ALMS1: variants seen among roughly 807,000 people sequenced by gnomAD.
ALMS1 encodes the protein centrosome-associated protein ALMS1.
Under a neutral mutation model 352.2 loss-of-function variants are expected in ALMS1, and 271 were observed. The ratio of observed to expected loss-of-function variants is 0.77; its 90% confidence interval spans 0.70 to 0.85. ALMS1 has a LOEUF of 0.85. Ranked by LOEUF, ALMS1 falls within the 40% of genes least tolerant of loss-of-function variation. The pLI is 0.00. For synonymous variants in ALMS1, 1,865 were observed against 1,761.2 expected, an observed-to-expected ratio of 1.06 and a Z score of -1.48; for missense variants, 5,445 against 4,870.7, an observed-to-expected ratio of 1.12 and a Z score of -3.51.
chr2:73,588,326 T>C (rs913748959), intron 16 of ALMS1, among the ~76,000 whole-genome samples: 2 of 152,124 alleles, frequency 1.3e-5, no homozygotes, highest in African/African-American at 2.4e-5. Flanking sequence ...CTCTGTCTGT[T>C]TCTCTGTTCT....
intron 11 of ALMS1, among the ~76,000 whole-genome samples, chr2:73,527,652 A>G (rs915814919): frequency 2.0e-5 from 3 of 151,438 alleles, no homozygotes; most frequent in South Asian, 4.2e-4. Context: ...TGAGTCTTCT[A>G]TTTTTCTTAG....
chr2:73,580,499 T>C (rs985892012), intron 16 of ALMS1, among the ~76,000 whole-genome samples: 1 of 152,248 alleles, frequency 6.6e-6, no homozygotes, highest in African/African-American at 2.4e-5. Context: ...CTTTAGCTCT[T>C]TGAGCACATT....
At chr2:73,434,625 G>A (rs1671572391) in intron 7 of ALMS1, among the ~76,000 whole-genome samples, 1 of 152,096 alleles carries the variant, frequency 6.6e-6, no homozygotes, top group South Asian at 2.1e-4. Context: ...CAAATTTTCT[G>A]TTTCCTTGTT....
At chr2:73,401,326 T>C (rs1014607503) in intron 1 of ALMS1, among the ~76,000 whole-genome samples, 8 of 152,200 alleles carry the variant, frequency 5.3e-5, no homozygotes, top group African/African-American at 1.4e-4. Flanking sequence ...GCTTTGATAA[T>C]TGATTTCAGA....
intron 2 of ALMS1, among the ~76,000 whole-genome samples, chr2:73,414,875 T>C (rs774326981): frequency 5.1e-4 from 77 of 152,126 alleles, no homozygotes; most frequent in Non-Finnish European, 9.6e-4. Flanking sequence ...TTTTAACACT[T>C]TTGAAATAGA....
intron 1 of ALMS1, among the ~76,000 whole-genome samples, chr2:73,405,103 A>G (rs1177790041): frequency 6.6e-6 from 1 of 151,522 alleles, no homozygotes; most frequent in African/African-American, 2.4e-5. Context: ...TAGTAGAGAC[A>G]GGATCTCACC....
chr2:73,552,628 G>T (rs1415450120), intron 13 of ALMS1, among the ~76,000 whole-genome samples: 1 of 152,176 alleles, frequency 6.6e-6, no homozygotes, highest in Non-Finnish European at 1.5e-5. Context: ...CCATCTGTTG[G>T]TCTACTTACA....
At position 73,424,500 on chromosome 2, in the gene ALMS1, C is replaced by T; in HGVS notation, c.835C>T (p.Gln279Ter). The change falls in exon 5 of 23, where the codon CAG becomes TAG. Residue 279 changes from glutamine to a stop codon, truncating the protein, a stop_gained. Coordinates refer to ENST00000613296, the MANE Select transcript of ALMS1 (RefSeq NM_001378454.1). LOFTEE classifies it high-confidence loss of function. ...RPSEVSEALF[Q>*]ATAEVASDLA... ...ATCGGAAGTTAGTGAAGCTTTATTCCAGGCTACTGCAGAAGTAGCTTCAGA... is the reference window on the plus strand; with the variant it reads ...ATCGGAAGTTAGTGAAGCTTTATTCTAGGCTACTGCAGAAGTAGCTTCAGA... The T allele has an allele frequency of 6.2e-7, 1 of 1,606,542 alleles. No homozygotes were observed. Among genetic ancestry groups the T allele is most frequent in the Non-Finnish European group, 8.5e-7 (1 of 1,176,476 alleles).
chr2:73,465,371 A>G (rs1672311362), intron 9 of ALMS1, among the ~76,000 whole-genome samples: 1 of 152,240 alleles, frequency 6.6e-6, no homozygotes, highest in Admixed American at 6.5e-5. Context: ...AAACCTGACA[A>G]AAACAAGAAA....
rs145044450 is a variant in ALMS1 at position 73,602,120 on chromosome 2, C to T, written c.12115-65C>T. The T allele has an allele frequency of 1.3e-4, 194 of 1,479,400 alleles. 2 individuals carry two copies. The East Asian group carries it at 4.5e-3, about 34-fold the overall frequency. The allele number at this position is 1,479,400 out of a possible 1,614,324, so 91.6% of individuals were successfully genotyped here. On this transcript the variant is annotated intron_variant, in intron 19 of 22. Coordinates refer to ENST00000613296, the MANE Select transcript of ALMS1 (RefSeq NM_001378454.1). ...CTTGGGCAGGTGGTGTGTCTCCAGG[C>T]ATATGGAGAGTAGATTGCATCATTA...
intron 10 of ALMS1, among the ~76,000 whole-genome samples, chr2:73,517,985 CA>C (rs1468239326): frequency 1.3e-5 from 2 of 152,000 alleles, no homozygotes; most frequent in African/African-American, 4.8e-5. Flanking sequence ...CTTTTAGGTT[CA>C]GGGGGTACAT....
chr2:73,485,353 C>T (rs1672810295), intron 9 of ALMS1, among the ~76,000 whole-genome samples: 1 of 152,200 alleles, frequency 6.6e-6, no homozygotes. Context: ...GTCAGTGTGC[C>T]CCTGCTGGGA....
chr2:73,524,167 A>G (rs1414569251), intron 11 of ALMS1, among the ~76,000 whole-genome samples: 1 of 152,238 alleles, frequency 6.6e-6, no homozygotes, highest in Non-Finnish European at 1.5e-5. Flanking sequence ...GAATATTGTA[A>G]AGGTATCATT....
At chr2:73,460,544 A>G (rs984396744) in intron 9 of ALMS1, among the ~76,000 whole-genome samples, 1 of 152,212 alleles carries the variant, frequency 6.6e-6, no homozygotes, top group Admixed American at 6.5e-5. Flanking sequence ...CTGCATTTCC[A>G]TCTGAGGTAC....
intron 1 of ALMS1, among the ~76,000 whole-genome samples, chr2:73,399,070 C>A (rs926632361): frequency 6.6e-6 from 1 of 152,098 alleles, no homozygotes; most frequent in Admixed American, 6.5e-5. Context: ...CCAGGCTGGT[C>A]TCAAACTCCT....
At chr2:73,402,809 C>T (rs1670899061) in intron 1 of ALMS1, among the ~76,000 whole-genome samples, 1 of 152,028 alleles carries the variant, frequency 6.6e-6, no homozygotes, top group South Asian at 2.1e-4. Flanking sequence ...TGCTGATTGG[C>T]CATTTTTCTT....
chr2:73,582,330 TA>T (rs1478716508), intron 16 of ALMS1, among the ~76,000 whole-genome samples: 2 of 152,252 alleles, frequency 1.3e-5, no homozygotes, highest in African/African-American at 2.4e-5. Flanking sequence ...TGTGTTCAAC[TA>T]AATTTCATTT....
In ALMS1 at chr2:73,451,979, C is replaced by T. The variant is rs749339938; in HGVS notation, c.5452C>T (p.Arg1818Ter). 12 of 1,613,604 alleles carry T rather than the reference C, an allele frequency of 7.4e-6. No individual in the cohort carries two copies. The highest frequency in any genetic ancestry group is 1.7e-5 in the Admixed American group (1 of 59,980). ...AGAGAAGCCCATTGTTTCCTACCAG[C>T]GAGAGTTGCCGCATTTTACTGAAGC... ...HREKPIVSYQ[R>*]ELPHFTEAGL... The change falls in exon 8 of 23, where the codon CGA becomes TGA. Residue 1818 changes from arginine (R) to a stop codon, truncating the protein, a stop_gained. Coordinates refer to ENST00000613296, the MANE Select transcript of ALMS1 (RefSeq NM_001378454.1). LOFTEE classifies it high-confidence loss of function.
chr2:73,591,969 A>G (rs1334283513), intron 16 of ALMS1, among the ~76,000 whole-genome samples: 2 of 152,156 alleles, frequency 1.3e-5, no homozygotes, highest in African/African-American at 4.8e-5. Context: ...CCAAAGCCCT[A>G]CCATTATCTG....
Sources: gnomAD v4.1 joint callset for allele counts (sites outside exome capture counted in the v4.1 genomes callset) on GRCh38, gnomAD v4.1.1 for gene constraint, MANE v1.5 for transcripts, NCBI Gene and HGNC (gene_info 2026-07-23, HGNC 2026-07-21) for gene names.